GEN1: variants seen among roughly 807,000 people sequenced by gnomAD.
GEN1 encodes flap endonuclease GEN homolog 1.
GEN1 carries 64 observed loss-of-function variants against 67.6 expected under a neutral mutation model. That is an observed-to-expected ratio of 0.95 (90% confidence interval 0.77 to 1.17). The LOEUF (loss-of-function observed/expected upper bound fraction) is 1.17. Among genes scored for constraint, GEN1 ranks in the 50% most tolerant of loss-of-function variants. The pLI is 0.00. For missense variants in GEN1, 1,058 were observed against 1,048.3 expected, an observed-to-expected ratio of 1.01 and a Z score of -0.13; for synonymous variants, 371 against 359.4, an observed-to-expected ratio of 1.03 and a Z score of -0.37.
chr2:17,763,581 G>A (rs921904280), intron 3 of GEN1, among the ~76,000 whole-genome samples: 2 of 152,140 alleles, frequency 1.3e-5, no homozygotes, highest in Non-Finnish European at 2.9e-5. Flanking sequence ...CAAATTAGTA[G>A]TCCTCCAATA....
At position 17,756,402 on chromosome 2, in the gene GEN1, G is replaced by A. The variant is rs891598897; in HGVS notation, c.-16+2057G>A. Among the ~76,000 whole-genome samples, 2 of 152,074 alleles carry A rather than the reference G, an allele frequency of 1.3e-5. 1 individual carries two copies. Among genetic ancestry groups the A allele is most frequent in the South Asian group, 4.1e-4 (2 of 4,828 alleles). ...CTAATTCTTAAAAAATTATGAAGAT[G>A]TTAGACTTCTTTTGATATATATATG... is the stretch of plus-strand genomic sequence containing the variant. On this transcript the variant is annotated intron_variant, in intron 1 of 13. Coordinates refer to ENST00000381254, the MANE Select transcript of GEN1 (RefSeq NM_001130009.3).
chr2:17,778,401 T>TAC lies in GEN1; in HGVS notation c.1264+339_1264+340insCA, dbSNP rs1428045488. ...ACATATATGTGTGTACATATATGTA[T>TAC]ATACACACATATATGTGTGTACATA... is the stretch of plus-strand genomic sequence containing the variant. On this transcript the variant is annotated intron_variant, in intron 12 of 13. Coordinates refer to ENST00000381254, the MANE Select transcript of GEN1 (RefSeq NM_001130009.3). 8.1e-4 allele frequency among the ~76,000 whole-genome samples: 18 copies of TAC among 22,234 alleles called. 6 individuals carry two copies. Among genetic ancestry groups the TAC allele is most frequent in the Non-Finnish European group, 1.0e-3 (9 of 8,870 alleles). 14.6% of individuals were successfully genotyped at this position (22,234 alleles called of 152,430 possible).
In GEN1 at chr2:17,764,971, T is replaced by G; in HGVS notation, c.423T>G (p.Tyr141Ter). Residue 141 changes from tyrosine to a stop codon, truncating the protein, a stop_gained, in exon 4 of 14, where the codon TAT (tyrosine) becomes TAG (stop). Transcript: ENST00000381254. LOFTEE classifies it high-confidence loss of function. The part of the protein sequence containing the change: ...AAGEAEAMCA[Y>*]LNAGGHVDGC... Reference sequence around the variant, plus strand: ...GGGAAGCTGAAGCCATGTGTGCTTATCTCAATGCTGGTGGTCATGTCGATG... The same window carrying G: ...GGGAAGCTGAAGCCATGTGTGCTTAGCTCAATGCTGGTGGTCATGTCGATG... 1.2e-6 allele frequency: 2 copies of G among 1,614,198 alleles called. No homozygotes were observed. Among genetic ancestry groups the G allele is most frequent in the Non-Finnish European group, 1.7e-6 (2 of 1,180,022 alleles).
intron 10 of GEN1, among the ~76,000 whole-genome samples, chr2:17,773,732 C>T (rs948207593): frequency 6.6e-6 from 1 of 151,982 alleles, no homozygotes; most frequent in Non-Finnish European, 1.5e-5. Context: ...AATAATATTA[C>T]TTATCTCATA....
rs899445588 is a variant in GEN1, at chr2:17,785,890, A to T, written c.*3951A>T. The T allele has an allele frequency of 6.6e-6, 1 of 152,020 alleles. No homozygotes were observed. The highest frequency in any genetic ancestry group is 1.5e-5 in the Non-Finnish European group (1 of 67,992). 9.4% of individuals were successfully genotyped at this position (152,020 alleles called of 1,614,324 possible). ...CTCCAGGATGGGCGAAAAAGTGTCTAAAAAAAATTAAAATTTAAATTAAAA... is the reference window on the plus strand; with the variant it reads ...CTCCAGGATGGGCGAAAAAGTGTCTTAAAAAAATTAAAATTTAAATTAAAA... On this transcript the variant is annotated 3_prime_UTR_variant, in exon 14 of 14. Coordinates refer to ENST00000381254, the MANE Select transcript of GEN1 (RefSeq NM_001130009.3).
At chr2:17,777,419 A>C (rs559044403) in intron 11 of GEN1, among the ~76,000 whole-genome samples, 1 of 152,318 alleles carries the variant, frequency 6.6e-6, no homozygotes, top group South Asian at 2.1e-4. Context: ...CCAAACCAGT[A>C]CAATTAAAAT....
intron 6 of GEN1, 115 bp from the exon 7 acceptor site, chr2:17,771,081 C>T (rs753512074): frequency 7.0e-5 from 51 of 726,144 alleles, no homozygotes; most frequent in Non-Finnish European, 1.1e-4. Flanking sequence ...TATCAGCCAC[C>T]AAAGGGAAAA....
chr2:17,771,053 A>C, intron 6 of GEN1, 143 bp from the exon 7 acceptor site: 1 of 687,728 alleles, frequency 1.5e-6, no homozygotes, highest in East Asian at 2.8e-5. Context: ...GGGTTTTCCC[A>C]CACTAGGCCA....
At position 17,786,568 on chromosome 2, in the gene GEN1, C is replaced by T. The variant is rs917588800; in HGVS notation, c.*4629C>T. 2.0e-5 allele frequency: 3 copies of T among 152,156 alleles called. No individual in the cohort carries two copies. Among genetic ancestry groups the T allele is most frequent in the African/African-American group, 7.2e-5 (3 of 41,456 alleles). The allele number at this position is 152,156 out of a possible 1,614,324, so 9.4% of individuals were successfully genotyped here. A position where few individuals can be genotyped will look rare whatever the true frequency, so the allele number is the denominator to read the frequency against. ...GAGGCCCAGTGAGTTTAAAATTTTT[C>T]CAGGTCACCCAACTAGAAAAAGTTA... is the stretch of plus-strand genomic sequence containing the variant. On this transcript the variant is annotated 3_prime_UTR_variant, in exon 14 of 14. Transcript: ENST00000381254.
intron 4 of GEN1, among the ~76,000 whole-genome samples, chr2:17,765,407 A>G (rs749207301): frequency 1.3e-5 from 2 of 152,264 alleles, no homozygotes; most frequent in Non-Finnish European, 2.9e-5. Flanking sequence ...CCAAATATGC[A>G]AAGAGAGAGA....
At chr2:17,773,158 T>A in intron 9 of GEN1, 26 bp downstream of exon 9, 1 of 1,560,962 alleles carries the variant, frequency 6.4e-7, no homozygotes, top group Non-Finnish European at 8.8e-7. Context: ...TCAACTCTAT[T>A]AATTTTAGAA....
chr2:17,774,344 A>G lies in GEN1; in HGVS notation c.1145A>G (p.Tyr382Cys). The change falls in exon 11 of 14, where the codon TAT (tyrosine) becomes TGT (cysteine). Residue 382 changes from tyrosine to cysteine, a missense_variant. Physicochemically the swap from Tyr to Cys is radical, Grantham distance 194. Coordinates refer to ENST00000381254, the MANE Select transcript of GEN1 (RefSeq NM_001130009.3). ...AAATTGCTGGTACTTTTGACCCATT[A>G]TGACATGATAGAAAGAAAGCTTGGT... ...CEKLLVLLTH[Y>C]DMIERKLGSR... is the part of the protein sequence containing the mutation. The G allele has an allele frequency of 6.2e-7, 1 of 1,606,594 alleles. No individual in the cohort carries two copies. Among genetic ancestry groups the G allele is most frequent in the Non-Finnish European group, 8.5e-7 (1 of 1,174,880 alleles).
intron 11 of GEN1, 93 bp from the exon 12 acceptor site, chr2:17,777,909 A>G (rs1019993035): frequency 2.4e-4 from 161 of 658,118 alleles, no homozygotes; most frequent in African/African-American, 1.2e-3. Context: ...TTTACCTGGG[A>G]AAAAAAAATC....
At chr2:17,773,884 A>G (rs991840973) in intron 10 of GEN1, among the ~76,000 whole-genome samples, 1 of 152,128 alleles carries the variant, frequency 6.6e-6, no homozygotes. Flanking sequence ...TAAGAACGAC[A>G]GCCACATTAA....
chr2:17,774,267 A>G lies in GEN1; in HGVS notation c.1072-4A>G, dbSNP rs2125151768. The G allele has an allele frequency of 2.0e-6, 3 of 1,502,788 alleles. No homozygotes were observed. Among genetic ancestry groups the G allele is most frequent in the East Asian group, 2.3e-5 (1 of 43,434 alleles). The allele number at this position is 1,502,788 out of a possible 1,614,324, so 93.1% of individuals were successfully genotyped here. ...ATCTTGTTTTATTTTTATTATATTT[A>G]TAGAGATTTACTCTTGAAAAAATGG... On this transcript the variant is annotated splice_region_variant and splice_polypyrimidine_tract_variant and intron_variant, in intron 10 of 13. Coordinates refer to ENST00000381254, the MANE Select transcript of GEN1 (RefSeq NM_001130009.3).
chr2:17,772,983 T>G, intron 8 of GEN1, 113 bp from the exon 9 acceptor site: 1 of 824,898 alleles, frequency 1.2e-6, no homozygotes. Context: ...CTTGACTGTT[T>G]GGGATACTGT....
Position 17,768,754 on chromosome 2 carries a change from G to A in GEN1, c.653G>A (p.Gly218Glu). The A allele has an allele frequency of 6.2e-7, 1 of 1,610,862 alleles. No individual in the cohort carries two copies. The highest frequency in any genetic ancestry group is 1.7e-4 in the Middle Eastern group (1 of 6,040). ...DYLPKGVPGV[G>E]KEQALKLIQI... ...TTCTGAAAGGGAGTCCCTGGAGTTGGAAAAGAGCAAGCATTAAAACTTATA... is the reference window on the plus strand; with the variant it reads ...TTCTGAAAGGGAGTCCCTGGAGTTGAAAAAGAGCAAGCATTAAAACTTATA... Residue 218 changes from glycine to glutamate, a missense_variant, in exon 6 of 14, where the codon GGA becomes GAA. Physicochemically the swap from Gly to Glu is moderately conservative, Grantham distance 98. Coordinates refer to ENST00000381254, the MANE Select transcript of GEN1 (RefSeq NM_001130009.3).
At position 17,771,235 on chromosome 2, in the gene GEN1, A is replaced by G. The variant is rs1434313983; in HGVS notation, c.750A>G (p.Pro250=). 6.2e-7 allele frequency: 1 copy of G among 1,612,326 alleles called. No individual in the cohort carries two copies. The highest frequency in any genetic ancestry group is 8.5e-7 in the Non-Finnish European group (1 of 1,178,626). The change falls in exon 7 of 14, where the codon CCA becomes CCG. Residue 250 remains proline (P), a synonymous_variant. Coordinates refer to ENST00000381254, the MANE Select transcript of GEN1 (RefSeq NM_001130009.3). Reference sequence around the variant, plus strand: ...ATGAAACATCTTGTAACTCTAGTCCACAACTGCTAGTCACTAAAAAACTGG... The same window carrying G: ...ATGAAACATCTTGTAACTCTAGTCCGCAACTGCTAGTCACTAAAAAACTGG... The part of the protein sequence containing the change: ...RWNETSCNSS[P]QLLVTKKLAH...
intron 8 of GEN1, 41 bp from the exon 9 acceptor site, chr2:17,773,055 G>A (rs753821266): frequency 7.6e-7 from 1 of 1,308,160 alleles, no homozygotes; most frequent in African/African-American, 1.5e-5. Flanking sequence ...GTCTAAAATT[G>A]TCTGATTATA....
Sources: gnomAD v4.1 joint callset for allele counts (sites outside exome capture counted in the v4.1 genomes callset) on GRCh38, gnomAD v4.1.1 for gene constraint, MANE v1.5 for transcripts, NCBI Gene and HGNC (gene_info 2026-07-23, HGNC 2026-07-21) for gene names.